Variants in GRAMD1B observed in about 807,000 individuals in gnomAD.
The protein encoded by GRAMD1B is GRAM domain containing 1B, also known as protein Aster-B.
In GRAMD1B, 37 loss-of-function variants were observed where a neutral mutation model predicts 99.7. That is an observed-to-expected ratio of 0.37 (90% confidence interval 0.29 to 0.49). The LOEUF is 0.49. GRAMD1B is among the 20% of genes least tolerant of loss of function. GRAMD1B has a pLI of 0.98. For synonymous variants in GRAMD1B, 427 were observed against 387.6 expected (o/e 1.10, Z -1.19); for missense variants, 888 against 1,009.2 (o/e 0.88, Z 1.63).
At chr11:123,598,815 A>G in intron 7 of GRAMD1B, 6 of 1,120,528 alleles carry the variant, frequency 5.4e-6, no homozygotes, top group East Asian at 2.3e-5. Flanking sequence ...TTCAGCCTGA[A>G]TCTTCCCAGA....
chr11:123,500,740 G>A (rs1056171570), intron 2 of GRAMD1B, among the ~76,000 whole-genome samples: 3 of 151,314 alleles, frequency 2.0e-5, no homozygotes, highest in East Asian at 2.0e-4. Context: ...TGGCGCGATC[G>A]CGGCTTACTG....
At chr11:123,453,240 A>G (rs1949966436) in intron 1 of GRAMD1B, among the ~76,000 whole-genome samples, 1 of 152,038 alleles carries the variant, frequency 6.6e-6, no homozygotes, top group Non-Finnish European at 1.5e-5. Context: ...AGAAACATAA[A>G]CGTTTTCTAA....
chr11:123,435,473 T>C (rs1233626127), intron 1 of GRAMD1B: 2 of 702,800 alleles, frequency 2.8e-6, no homozygotes, highest in Admixed American at 4.0e-5. Flanking sequence ...GTTGAAAATA[T>C]GAAGAGGATT....
At chr11:123,496,501 T>G (rs1939287428) in intron 2 of GRAMD1B, among the ~76,000 whole-genome samples, 1 of 152,084 alleles carries the variant, frequency 6.6e-6, no homozygotes, top group Non-Finnish European at 1.5e-5. Context: ...TTGATATCTT[T>G]CTCTAGGTTT....
At chr11:123,519,365 G>T (rs540549302) in intron 2 of GRAMD1B, among the ~76,000 whole-genome samples, 4 of 152,166 alleles carry the variant, frequency 2.6e-5, no homozygotes, top group Admixed American at 2.0e-4. Context: ...GCCATCTGCT[G>T]GTCAGCTCAC....
intron 3 of GRAMD1B, among the ~76,000 whole-genome samples, chr11:123,583,269 G>A (rs1040086138): frequency 6.7e-6 from 1 of 149,520 alleles, no homozygotes; most frequent in Non-Finnish European, 1.5e-5. Flanking sequence ...ACATGCGCAT[G>A]TGTGTGTGCA....
chr11:123,492,858 T>TCTCACA lies in GRAMD1B; in HGVS notation c.452+11966_452+11967insTCACAC, dbSNP rs1555043273. On this transcript the variant is annotated intron_variant, in intron 2 of 19. Transcript: ENST00000635736. This position sits in a 1 kb window ranked among gnomAD's most constrained non-coding sequence, Gnocchi z 4.2. ...CTCTCTCTCTCTCTGTCTCTCTCTT[T>TCTCACA]CACACATACACACACACACACACAC... 7.6e-6 allele frequency among the ~76,000 whole-genome samples: 1 copy of TCTCACA among 131,702 alleles called. No individual in the cohort carries two copies. Among genetic ancestry groups the TCTCACA allele is most frequent in the Non-Finnish European group, 1.7e-5 (1 of 59,096 alleles). 86.4% of individuals were successfully genotyped at this position (131,702 alleles called of 152,430 possible).
chr11:123,585,215 A>G (rs1351681353), intron 4 of GRAMD1B, among the ~76,000 whole-genome samples: 1 of 152,156 alleles, frequency 6.6e-6, no homozygotes, highest in Non-Finnish European at 1.5e-5. Flanking sequence ...ATGGGCATGG[A>G]GTAGCTGTGG....
At chr11:123,552,656 A>C (rs946967981) in intron 2 of GRAMD1B, among the ~76,000 whole-genome samples, 5 of 152,226 alleles carry the variant, frequency 3.3e-5, no homozygotes, top group Non-Finnish European at 7.3e-5. Flanking sequence ...ACATGGGAGA[A>C]TTTGACCATT....
At chr11:123,486,511 G>A (rs1591677534) in intron 2 of GRAMD1B, among the ~76,000 whole-genome samples, 1 of 148,420 alleles carries the variant, frequency 6.7e-6, no homozygotes, top group Non-Finnish European at 1.5e-5. Flanking sequence ...CTGTGCTACT[G>A]CAGTCCAGCC....
At chr11:123,542,891 T>C (rs925426974) in intron 2 of GRAMD1B, among the ~76,000 whole-genome samples, 7 of 152,240 alleles carry the variant, frequency 4.6e-5, no homozygotes, top group Admixed American at 1.3e-4. Flanking sequence ...TGACCTCAGG[T>C]GATCCACTCG....
intron 2 of GRAMD1B, among the ~76,000 whole-genome samples, chr11:123,536,207 G>A (rs1164329817): frequency 6.6e-6 from 1 of 152,158 alleles, no homozygotes; most frequent in African/African-American, 2.4e-5. Flanking sequence ...TTGAGGCCAG[G>A]AGTTTAAGAC....
At chr11:123,525,431 G>A (rs994557046) in intron 2 of GRAMD1B, among the ~76,000 whole-genome samples, 13 of 152,070 alleles carry the variant, frequency 8.5e-5, no homozygotes, top group African/African-American at 2.9e-4. Context: ...CCCCCGCAGG[G>A]GTGGGGCATT....
chr11:123,459,684 TC>T (rs1950321941), intron 1 of GRAMD1B: 1 of 146,966 alleles, frequency 6.8e-6, no homozygotes, highest in Non-Finnish European at 1.5e-5. Context: ...TACTAGGTAC[TC>T]AAATACCTGT....
chr11:123,386,435 CTTTTTTTTT>C (rs34243520), intron 1 of GRAMD1B, among the ~76,000 whole-genome samples: 1 of 96,200 alleles, frequency 1.0e-5, no homozygotes, highest in Non-Finnish European at 2.2e-5. Flanking sequence ...TCACAATATA[CTTTTTTTTT>C]TTTTTTTTTT....
chr11:123,548,325 T>TATATACACACACACACACACACACACAC (rs1555067740), intron 2 of GRAMD1B, among the ~76,000 whole-genome samples: 1 of 86,842 alleles, frequency 1.2e-5, no homozygotes, highest in Non-Finnish European at 2.1e-5. Context: ...TATATATATA[T>TATATACACACACACACACACACACACAC]ACACACACAC....
intron 1 of GRAMD1B, among the ~76,000 whole-genome samples, chr11:123,377,323 C>T (rs1338773763): frequency 6.6e-6 from 1 of 152,150 alleles, no homozygotes; most frequent in East Asian, 1.9e-4. Flanking sequence ...AGGAATTTAT[C>T]TCACTCATGT....
At chr11:123,404,457 T>TCTGAACAAC (rs1702252329) in intron 1 of GRAMD1B, among the ~76,000 whole-genome samples, 1 of 152,248 alleles carries the variant, frequency 6.6e-6, no homozygotes, top group South Asian at 2.1e-4. Context: ...TAAATTAGTT[T>TCTGAACAAC]CTGAACAACT....
chr11:123,547,430 A>G (rs80258930), intron 2 of GRAMD1B, among the ~76,000 whole-genome samples: 11 of 152,204 alleles, frequency 7.2e-5, no homozygotes, highest in Non-Finnish European at 5.9e-5. Flanking sequence ...CTGGACTGAG[A>G]TGAGGATGTG....
Sources: gnomAD v4.1 joint callset for allele counts (sites outside exome capture counted in the v4.1 genomes callset) on GRCh38, gnomAD v4.1.1 for gene constraint, Gnocchi (gnomAD v3.1) non-coding constraint, MANE v1.5 for transcripts, NCBI Gene and HGNC (gene_info 2026-07-23, HGNC 2026-07-21) for gene names.